PKD1L1: variants seen among roughly 807,000 people sequenced by gnomAD.
PKD1L1 encodes polycystin 1 like 1, transient receptor potential channel interacting.
Under a neutral mutation model 323.4 loss-of-function variants are expected in PKD1L1, and 236 were observed. That is an observed-to-expected ratio of 0.73 (90% CI 0.66 to 0.81). PKD1L1 has a LOEUF of 0.81. Among genes scored for constraint, PKD1L1 ranks in the 40% least tolerant of loss-of-function variants. The pLI, the probability that PKD1L1 is intolerant of heterozygous loss-of-function variation, is 0.00. For synonymous variants in PKD1L1, 1,344 were observed against 1,335.0 expected (o/e 1.01, Z -0.15); for missense variants, 3,320 against 3,508.0 (o/e 0.95, Z 1.35).
chr7:47,775,235 C>T (rs1208979783), intron 56 of PKD1L1, 69 bp from the exon 57 acceptor site: 30 of 1,589,840 alleles, frequency 1.9e-5, no homozygotes, highest in Non-Finnish European at 2.4e-5. Flanking sequence ...AACAAATAGG[C>T]AGAAAGGCAG....
At chr7:47,815,577 G>T in intron 46 of PKD1L1, 120 bp from the exon 47 acceptor site, 2 of 1,175,658 alleles carry the variant, frequency 1.7e-6, no homozygotes, top group South Asian at 1.5e-5. Flanking sequence ...TACTCTGCAG[G>T]AATTAAACTC....
In PKD1L1 at chr7:47,948,464, T is replaced by G; in HGVS notation, c.-24A>C. On this transcript the variant is annotated 5_prime_UTR_variant, in exon 1 of 57. Transcript: ENST00000289672. ...ATGTCCTGTGCAAGCTGGTCACAAG[T>G]ATGACAGTCAGCAGACCAGCTTCTT... The G allele has an allele frequency of 6.2e-7, 1 of 1,613,564 alleles. No homozygotes were observed. The highest frequency in any genetic ancestry group is 8.5e-7 in the Non-Finnish European group (1 of 1,179,678).
chr7:47,921,100 C>T (rs1160834819), intron 7 of PKD1L1, among the ~76,000 whole-genome samples: 2 of 151,982 alleles, frequency 1.3e-5, no homozygotes, highest in Non-Finnish European at 1.5e-5. Flanking sequence ...GCAGACTAAA[C>T]AGACAACCCA....
chr7:47,804,024 G>A (rs1784722929), intron 52 of PKD1L1, among the ~76,000 whole-genome samples: 1 of 152,176 alleles, frequency 6.6e-6, no homozygotes, highest in Non-Finnish European at 1.5e-5. Context: ...TTGGGTGTAT[G>A]ATCTCATATG....
chr7:47,913,598 TC>T (rs1324722116), intron 8 of PKD1L1, among the ~76,000 whole-genome samples: 2 of 151,916 alleles, frequency 1.3e-5, no homozygotes, highest in East Asian at 3.9e-4. Context: ...GTGTGGCACC[TC>T]CCCCCCTCTT....
At chr7:47,903,816 G>T (rs940801133) in intron 12 of PKD1L1, among the ~76,000 whole-genome samples, 4 of 152,124 alleles carry the variant, frequency 2.6e-5, no homozygotes, top group African/African-American at 9.7e-5. Flanking sequence ...GGCTCGGCTG[G>T]GAATGAGTGA....
the PKD1L1 span, among the ~76,000 whole-genome samples, chr7:47,958,994 G>GT: frequency 6.6e-6 from 1 of 152,234 alleles, no homozygotes; most frequent in African/African-American, 2.4e-5. Context: ...ACTGGTTTTC[G>GT]TATTTTTTTG....
chr7:47,908,154 A>T lies in PKD1L1; in HGVS notation c.1325T>A (p.Val442Glu). 1.9e-6 allele frequency: 3 copies of T among 1,614,246 alleles called. No individual in the cohort carries two copies. The highest frequency in any genetic ancestry group is 2.2e-5 in the East Asian group (1 of 44,892). The part of the protein sequence containing the change: ...PYYVEIGHEA[V>E]SAFMNSSSVH... ...ACTGCTGGAGTTCATGAACGCAGAC[A>T]CGGCCTCATGGCCAATCTCCACATA... The change falls in exon 9 of 57, where the codon GTG becomes GAG. Residue 442 changes from valine to glutamate, a missense_variant. Physicochemically the swap from Val to Glu is moderately radical, Grantham distance 121. Transcript: ENST00000289672.
Position 47,809,557 on chromosome 7 carries a change from G to C in PKD1L1, c.7602C>G (p.Ser2534Arg). ...MLPQLVFLALSLIHLCVQLYR... is the reference protein window; with the variant it reads ...MLPQLVFLALRLIHLCVQLYR... ...AGAGTTGAACACAGAGGTGGATCAG[G>C]CTGAGTGCCAGGAAGACCAGCTGGT... Residue 2534 changes from serine (S) to arginine (R), a missense_variant, in exon 51 of 57, where the codon AGC (serine) becomes AGG (arginine). By Grantham distance (110) the Ser-to-Arg change is moderately radical. Transcript: ENST00000289672. 1 of 1,600,680 alleles carries C rather than the reference G, an allele frequency of 6.2e-7. No individual in the cohort carries two copies. Among genetic ancestry groups the C allele is most frequent in the Non-Finnish European group, 8.5e-7 (1 of 1,175,250 alleles).
chr7:47,905,852 T>G lies in PKD1L1; in HGVS notation c.1513A>C (p.Lys505Gln), dbSNP rs1053754412. 1.2e-6 allele frequency: 2 copies of G among 1,612,768 alleles called. No individual in the cohort carries two copies. The highest frequency in any genetic ancestry group is 2.7e-5 in the African/African-American group (2 of 74,796). The part of the protein sequence containing the change: ...QAWHSMTVWY[K>Q]MQSVSVYTNG... ...TAAAACAAAGACATACATTGCATCT[T>G]ATACCAGACAGTCATGCTGTGCCAA... The change falls in exon 10 of 57, where the codon AAG (lysine) becomes CAG (glutamine). Residue 505 changes from lysine to glutamine, a missense_variant. Lys to Gln is a moderately conservative substitution (Grantham distance 53, BLOSUM62 1). Transcript: ENST00000289672.
intron 56 of PKD1L1, among the ~76,000 whole-genome samples, chr7:47,777,301 T>G (rs1253035722): frequency 6.6e-6 from 1 of 152,216 alleles, no homozygotes; most frequent in Admixed American, 6.5e-5. Context: ...TCTTGGGGAC[T>G]TCCTGAAAAA....
Position 47,936,919 on chromosome 7 carries a change from C to T in PKD1L1, c.325G>A (p.Val109Ile), listed in dbSNP as rs758180594. The T allele has an allele frequency of 6.2e-7, 1 of 1,613,708 alleles. No homozygotes were observed. The highest frequency in any genetic ancestry group is 1.1e-5 in the South Asian group (1 of 90,874). The change falls in exon 4 of 57, where the codon GTT (valine) becomes ATT (isoleucine). Residue 109 changes from valine to isoleucine, a missense_variant. Physicochemically the swap from Val to Ile is conservative, Grantham distance 29 (BLOSUM62 3). Coordinates refer to ENST00000289672, the MANE Select transcript of PKD1L1 (RefSeq NM_138295.5). ...KTTSEAALSV[V>I]NEKTQAVVNE... The stretch of plus-strand genomic sequence containing the variant: ...ACAACAGCCTGTGTTTTTTCATTAA[C>T]AACACTTAACGCTGCTTCACTAGTT...
At chr7:47,883,447 T>C (rs944142773) in intron 19 of PKD1L1, among the ~76,000 whole-genome samples, 1 of 152,220 alleles carries the variant, frequency 6.6e-6, no homozygotes, top group Non-Finnish European at 1.5e-5. Context: ...TAGCCTTGCC[T>C]TTCTTTGCCG....
chr7:47,845,059 A>T lies in PKD1L1; in HGVS notation c.5173T>A (p.Phe1725Ile). 6.2e-7 allele frequency: 1 copy of T among 1,613,972 alleles called. No homozygotes were observed. The highest frequency in any genetic ancestry group is 1.1e-5 in the South Asian group (1 of 91,018). Residue 1725 changes from phenylalanine (F) to isoleucine (I), a missense_variant, in exon 33 of 57, where the codon TTC becomes ATC. Coordinates refer to ENST00000289672, the MANE Select transcript of PKD1L1 (RefSeq NM_138295.5). ...VNCSYHRLAA[F>I]ALLRRKLKAS... ...TTCAGCTTTCTCCTTAGGAGAGCGA[A>T]TGCCGCGAGGCGATGGTAGCTAGGA...
At chr7:47,815,855 A>G (rs549724728) in intron 46 of PKD1L1, among the ~76,000 whole-genome samples, 2 of 6,592 alleles carry the variant, frequency 3.0e-4, no homozygotes, top group South Asian at 9.3e-3. Flanking sequence ...ATGAAGGAGG[A>G]AAAAAAAAAA....
intron 19 of PKD1L1, among the ~76,000 whole-genome samples, chr7:47,884,150 GGT>G (rs541146185): frequency 6.7e-6 from 1 of 148,546 alleles, no homozygotes; most frequent in Non-Finnish European, 1.5e-5. Flanking sequence ...ATACTGAGCT[GGT>G]GTGTGTGTGT....
At chr7:47,880,585 T>C (rs532279663) in intron 21 of PKD1L1, 143 bp downstream of exon 21, 2 of 368,580 alleles carry the variant, frequency 5.4e-6, no homozygotes, top group South Asian at 7.4e-5. Flanking sequence ...CCCAGCCCTA[T>C]ATATATGTAA....
intron 52 of PKD1L1, 27 bp downstream of exon 52, chr7:47,808,220 C>G: frequency 1.2e-6 from 2 of 1,612,658 alleles, no homozygotes; most frequent in Non-Finnish European, 1.7e-6. Context: ...TGGCCTCTAT[C>G]TGCATGGCCC....
chr7:47,881,803 C>G lies in PKD1L1; in HGVS notation c.3442+106G>C, dbSNP rs1184820297. On this transcript the variant is annotated intron_variant, in intron 20 of 56. Coordinates refer to ENST00000289672, the MANE Select transcript of PKD1L1 (RefSeq NM_138295.5). ...CACAAGTAGAAAAGGTACCACAATT[C>G]TAAATACTTATCTAGTAAAACGAAA... 3 of 1,112,324 alleles carry G rather than the reference C, an allele frequency of 2.7e-6. No homozygotes were observed. The African/African-American group carries it at 4.7e-5, about 17-fold the overall frequency. The allele number at this position is 1,112,324 out of a possible 1,614,324, so 68.9% of individuals were successfully genotyped here.
Sources: gnomAD v4.1 joint callset for allele counts (sites outside exome capture counted in the v4.1 genomes callset) on GRCh38, gnomAD v4.1.1 for gene constraint, MANE v1.5 for transcripts, NCBI Gene and HGNC (gene_info 2026-07-23, HGNC 2026-07-21) for gene names.